KCNQ5: variants seen among roughly 807,000 people sequenced by gnomAD.
KCNQ5 encodes the protein potassium voltage-gated channel subfamily KQT member 5.
KCNQ5 carries 30 observed loss-of-function variants against 98.2 expected under a neutral mutation model. That is an observed-to-expected ratio of 0.31 (90% confidence interval 0.23 to 0.41). KCNQ5 has a LOEUF of 0.41. KCNQ5 is among the 10% of genes least tolerant of loss of function. The probability of loss-of-function intolerance (pLI) is 1.00; values close to 1 mark genes in which losing one functional copy is unlikely to be tolerated. For missense variants in KCNQ5, 835 were observed against 1,182.5 expected (o/e 0.71, Z 4.31); for synonymous variants, 458 against 449.4 (o/e 1.02, Z -0.24).
intron 3 of KCNQ5, chr6:73,054,962 T>C (rs936050276): frequency 1.0e-5 from 4 of 398,320 alleles, no homozygotes; most frequent in African/African-American, 8.3e-5. Flanking sequence ...GCTCCAAAGC[T>C]CCTTGGTTTG....
intron 1 of KCNQ5, among the ~76,000 whole-genome samples, chr6:72,748,623 G>A (rs1288027845): frequency 6.6e-6 from 1 of 152,130 alleles, no homozygotes; most frequent in Non-Finnish European, 1.5e-5. Flanking sequence ...TAAGGGATAT[G>A]AGGCCCATGC....
chr6:72,817,545 A>G (rs936642783), intron 1 of KCNQ5, among the ~76,000 whole-genome samples: 20 of 152,316 alleles, frequency 1.3e-4, no homozygotes, highest in African/African-American at 4.8e-4. Context: ...TCATGGAACC[A>G]CAATTAAAGC....
intron 3 of KCNQ5, among the ~76,000 whole-genome samples, chr6:73,075,293 G>T (rs1395713311): frequency 6.6e-6 from 1 of 151,024 alleles, no homozygotes; most frequent in Non-Finnish European, 1.5e-5. Flanking sequence ...CACGATCTTG[G>T]CTCACTGCAA....
chr6:73,180,941 C>T (rs1026600725), intron 11 of KCNQ5, among the ~76,000 whole-genome samples: 3 of 152,116 alleles, frequency 2.0e-5, no homozygotes, highest in Non-Finnish European at 4.4e-5. Context: ...GTTTTCTCAT[C>T]GTTCTTATCT....
chr6:73,124,978 TATAC>T (rs1471560940), intron 9 of KCNQ5, among the ~76,000 whole-genome samples: 4 of 10,538 alleles, frequency 3.8e-4, no homozygotes, highest in African/African-American at 1.8e-3. Context: ...TATATATATA[TATAC>T]ACACACACAC....
intron 1 of KCNQ5, among the ~76,000 whole-genome samples, chr6:72,846,970 A>G (rs753534407): frequency 1.3e-5 from 2 of 152,156 alleles, no homozygotes; most frequent in African/African-American, 2.4e-5. Context: ...TCATTCCTTT[A>G]AAGTCCATAT....
intron 6 of KCNQ5, among the ~76,000 whole-genome samples, chr6:73,107,425 A>G (rs921018736): frequency 1.6e-4 from 24 of 152,378 alleles, no homozygotes; most frequent in African/African-American, 5.8e-4. Flanking sequence ...AGAAATGGTA[A>G]AAGACTAACA....
chr6:72,758,022 A>T (rs1345039635), intron 1 of KCNQ5, among the ~76,000 whole-genome samples: 1 of 151,974 alleles, frequency 6.6e-6, no homozygotes, highest in Non-Finnish European at 1.5e-5. Context: ...GTAAAGGGAT[A>T]TACAGAGCCT....
intron 2 of KCNQ5, among the ~76,000 whole-genome samples, chr6:73,022,604 G>A (rs977986570): frequency 2.0e-5 from 3 of 151,938 alleles, no homozygotes; most frequent in African/African-American, 7.2e-5. Flanking sequence ...ATGAGTTTCT[G>A]TCTCTGAAAA....
At chr6:72,668,269 T>G (rs1464485809) in intron 1 of KCNQ5, among the ~76,000 whole-genome samples, 1 of 152,220 alleles carries the variant, frequency 6.6e-6, no homozygotes. Flanking sequence ...CCCAAATCAA[T>G]ATAATTCAAC....
At position 72,756,832 on chromosome 6, in the gene KCNQ5, T is replaced by C. The variant is rs16882828; in HGVS notation, c.398+134245T>C. On this transcript the variant is annotated intron_variant, in intron 1 of 13. Coordinates refer to ENST00000370398, the MANE Select transcript of KCNQ5 (RefSeq NM_019842.4). ...GAACATATTTGTCATTCCCTATTTA[T>C]ATATATACAAATGAAATACACATAC... 2.9e-3 allele frequency among the ~76,000 whole-genome samples: 446 copies of C among 152,206 alleles called. 14 individuals carry two copies. In the East Asian group the frequency reaches 0.073, roughly 25 times the overall value.
chr6:73,094,303 T>C (rs2185773), intron 5 of KCNQ5, among the ~76,000 whole-genome samples: 133,712 of 152,094 alleles, frequency 0.88, 59,311 homozygotes, highest in South Asian at 0.96. Context: ...ATGTGTTAGG[T>C]GAGTCTCTTG....
chr6:73,088,812 A>C (rs1349165527), intron 5 of KCNQ5, among the ~76,000 whole-genome samples: 1 of 152,206 alleles, frequency 6.6e-6, no homozygotes, highest in Non-Finnish European at 1.5e-5. Context: ...TAAAATTTTC[A>C]AGTCACTGTT....
chr6:72,753,426 G>T (rs1410420044), intron 1 of KCNQ5, among the ~76,000 whole-genome samples: 2 of 152,084 alleles, frequency 1.3e-5, no homozygotes, highest in Non-Finnish European at 2.9e-5. Context: ...ATAGGTCTTT[G>T]TGTAGGGACT....
chr6:73,077,286 G>A (rs891974751), intron 3 of KCNQ5, 36 bp from the exon 4 acceptor site: 20 of 1,588,380 alleles, frequency 1.3e-5, no homozygotes, highest in Middle Eastern at 1.7e-4. Context: ...ATTCCTGGTC[G>A]TGCTAACTGT....
chr6:72,961,347 T>G (rs1206237973), intron 1 of KCNQ5, among the ~76,000 whole-genome samples: 1 of 152,076 alleles, frequency 6.6e-6, no homozygotes, highest in Non-Finnish European at 1.5e-5. Context: ...CCGGGTGCGG[T>G]GGCTCACGCC....
intron 1 of KCNQ5, among the ~76,000 whole-genome samples, chr6:72,636,854 T>C (rs545390599): frequency 6.6e-6 from 1 of 152,350 alleles, no homozygotes; most frequent in African/African-American, 2.4e-5. Flanking sequence ...GTTTGGCCTT[T>C]CTCCAGTGGC....
chr6:72,738,235 A>G (rs1770953199), intron 1 of KCNQ5, among the ~76,000 whole-genome samples: 1 of 152,146 alleles, frequency 6.6e-6, no homozygotes, highest in Non-Finnish European at 1.5e-5. Flanking sequence ...TAATCTGTTG[A>G]CAAGACAGGA....
intron 1 of KCNQ5, among the ~76,000 whole-genome samples, chr6:72,775,744 A>C (rs1471838262): frequency 6.6e-6 from 1 of 152,202 alleles, no homozygotes; most frequent in Non-Finnish European, 1.5e-5. Context: ...CCATAACCCC[A>C]GTCCCATCAT....
Sources: gnomAD v4.1 joint callset for allele counts (sites outside exome capture counted in the v4.1 genomes callset) on GRCh38, gnomAD v4.1.1 for gene constraint, MANE v1.5 for transcripts, NCBI Gene and HGNC (gene_info 2026-07-23, HGNC 2026-07-21) for gene names.